The following BMP2K variants were observed in gnomAD, a reference collection of about 807,000 sequenced individuals.
BMP2K encodes the protein BMP-2-inducible protein kinase.
BMP2K carries 74 observed loss-of-function variants against 116.0 expected under a neutral mutation model. That is an observed-to-expected ratio of 0.64 (90% CI 0.53 to 0.77). The LOEUF (loss-of-function observed/expected upper bound fraction) is 0.77. BMP2K is among the 30% of genes least tolerant of loss of function. BMP2K has a pLI of 0.00. For missense variants in BMP2K, 1,365 were observed against 1,403.6 expected, an observed-to-expected ratio of 0.97 and a Z score of 0.44; for synonymous variants, 486 against 502.5, an observed-to-expected ratio of 0.97 and a Z score of 0.44.
intron 15 of BMP2K, among the ~76,000 whole-genome samples, chr4:78,889,717 CA>C (rs1273965970): frequency 6.6e-6 from 1 of 152,000 alleles, no homozygotes; most frequent in Non-Finnish European, 1.5e-5. Context: ...CCAAGAAAGG[CA>C]AAAAACTACT....
chr4:78,877,376 CTTA>C (rs1732681819), intron 13 of BMP2K, among the ~76,000 whole-genome samples: 1 of 152,062 alleles, frequency 6.6e-6, no homozygotes, highest in Admixed American at 6.6e-5. Context: ...TCTTTATATT[CTTA>C]TTCTATAAGT....
At chr4:78,828,186 T>TA (rs1729971759) in intron 2 of BMP2K, among the ~76,000 whole-genome samples, 1 of 152,178 alleles carries the variant, frequency 6.6e-6, no homozygotes. Context: ...CCTTCTAACT[T>TA]AAAGTTGCAG....
chr4:78,892,657 GTTCC>G (rs1328437851), intron 15 of BMP2K, among the ~76,000 whole-genome samples: 2 of 152,134 alleles, frequency 1.3e-5, no homozygotes, highest in African/African-American at 4.8e-5. Context: ...GATACTGCAG[GTTCC>G]ATTCCAGACC....
intron 14 of BMP2K, among the ~76,000 whole-genome samples, chr4:78,880,352 G>A (rs1291967222): frequency 1.2e-4 from 18 of 152,156 alleles, no homozygotes; most frequent in East Asian, 3.9e-4. Flanking sequence ...GATTACAGGC[G>A]TGAGCCACCA....
rs1048889481 is a variant in BMP2K, at chr4:78,796,459, C to T, written c.178+19738C>T. On this transcript the variant is annotated intron_variant, in intron 1 of 15. Coordinates refer to ENST00000502613, the MANE Select transcript of BMP2K (RefSeq NM_198892.2). ...CTAGATGACGAGTTAGTGGGTGCAG[C>T]GCACCAGCATGGCACATGTATACAT... 1.6e-4 allele frequency among the ~76,000 whole-genome samples: 25 copies of T among 151,640 alleles called. No homozygotes were observed. The East Asian group carries it at 4.3e-3, about 26-fold the overall frequency.
intron 1 of BMP2K, 96 bp downstream of exon 1, chr4:78,776,817 T>G: frequency 1.9e-6 from 2 of 1,073,464 alleles, no homozygotes; most frequent in Non-Finnish European, 2.3e-6. Flanking sequence ...CTGACTCTTA[T>G]ACCCCATTCT....
rs1553915806 is a variant in BMP2K at position 78,829,753 on chromosome 4, A to ATCCTTT, written c.297+3600_297+3601insCTTTTC. The stretch of plus-strand genomic sequence containing the variant: ...TGTTGTGTTAGCAGGCATGGAAACA[A>ATCCTTT]TCTTTTCTTTTCTTTTCTTTTCTTT... On this transcript the variant is annotated intron_variant, in intron 2 of 15. Transcript: ENST00000502613. Among the ~76,000 whole-genome samples, 363 of 121,610 alleles carry ATCCTTT rather than the reference A, an allele frequency of 3.0e-3. 2 individuals are homozygous for ATCCTTT. Among genetic ancestry groups the ATCCTTT allele is most frequent in the African/African-American group, 0.012 (348 of 28,698 alleles). The allele number at this position is 121,610 out of a possible 152,430, so 79.8% of individuals were successfully genotyped here.
At chr4:78,798,587 T>A (rs1728413381) in intron 1 of BMP2K, among the ~76,000 whole-genome samples, 2 of 152,242 alleles carry the variant, frequency 1.3e-5, no homozygotes, top group South Asian at 2.1e-4. Context: ...CACTTTAGGA[T>A]GGGCAGTATT....
intron 15 of BMP2K, among the ~76,000 whole-genome samples, chr4:78,898,479 T>C (rs545033795): frequency 9.6e-4 from 146 of 151,516 alleles, no homozygotes; most frequent in Admixed American, 1.7e-3. Flanking sequence ...TATCATGATA[T>C]GGAGACAGTG....
At position 78,911,252 on chromosome 4, in the gene BMP2K, C is replaced by T; in HGVS notation, c.2705C>T (p.Pro902Leu). ...GAATTTGATGTATTCACAAAGGCGC[C>T]TTTTAGCAAGAAGGTGAATGTACAA... ...QEEFDVFTKA[P>L]FSKKVNVQEC... The change falls in exon 16 of 16, where the codon CCT (proline) becomes CTT (leucine). Residue 902 changes from proline (P) to leucine (L), a missense_variant. Physicochemically the swap from Pro to Leu is moderately conservative, Grantham distance 98 (BLOSUM62 -3). Coordinates refer to ENST00000502613, the MANE Select transcript of BMP2K (RefSeq NM_198892.2). 6.2e-7 allele frequency: 1 copy of T among 1,613,980 alleles called. No homozygotes were observed. Among genetic ancestry groups the T allele is most frequent in the South Asian group, 1.1e-5 (1 of 91,076 alleles).
chr4:78,876,616 CG>C (rs1410744089), intron 13 of BMP2K, among the ~76,000 whole-genome samples: 4 of 152,216 alleles, frequency 2.6e-5, no homozygotes, highest in African/African-American at 9.6e-5. Flanking sequence ...GAGCTCTCAA[CG>C]GTTAGGTAAA....
intron 9 of BMP2K, among the ~76,000 whole-genome samples, chr4:78,865,048 G>A (rs1731976401): frequency 6.6e-6 from 1 of 152,170 alleles, no homozygotes; most frequent in Non-Finnish European, 1.5e-5. Context: ...AAAGATTCAA[G>A]AAGTTGAATG....
intron 1 of BMP2K, among the ~76,000 whole-genome samples, chr4:78,798,927 A>G (rs1324700661): frequency 6.6e-6 from 1 of 152,224 alleles, no homozygotes; most frequent in Non-Finnish European, 1.5e-5. Flanking sequence ...CTGAAATTTT[A>G]AATGTCTTTC....
rs763320237 is a variant in BMP2K, at chr4:78,910,951, T to G, written c.2404T>G (p.Ser802Ala). The change falls in exon 16 of 16, where the codon TCT becomes GCT. Residue 802 changes from serine to alanine, a missense_variant. Physicochemically the swap from Ser to Ala is moderately conservative, Grantham distance 99. Around this residue, in one of 3 missense-constraint regions of BMP2K, gnomAD observed 596 missense variants for 623.2 expected, o/e 0.96. Coordinates refer to ENST00000502613, the MANE Select transcript of BMP2K (RefSeq NM_198892.2). Reference sequence around the variant, plus strand: ...TGAGGAAGAAGAGGAGAAACATAGCTCTGATTCTGATTATGAGCAGGCTAA... The same window carrying G: ...TGAGGAAGAAGAGGAGAAACATAGCGCTGATTCTGATTATGAGCAGGCTAA... Reference protein sequence around the residue: ...EDEEEEEKHSSDSDYEQAKAK... With the variant: ...EDEEEEEKHSADSDYEQAKAK... 1.2e-6 allele frequency: 2 copies of G among 1,613,696 alleles called. No homozygotes were observed. The highest frequency in any genetic ancestry group is 2.2e-5 in the South Asian group (2 of 91,014).
At chr4:78,903,320 T>C (rs1241530941) in intron 15 of BMP2K, among the ~76,000 whole-genome samples, 3 of 152,070 alleles carry the variant, frequency 2.0e-5, no homozygotes, top group African/African-American at 7.2e-5. Flanking sequence ...AGAGTCAGAT[T>C]AGCATGTTTC....
At position 78,844,947 on chromosome 4, in the gene BMP2K, A is replaced by G. The variant is rs377253516; in HGVS notation, c.566A>G (p.Asn189Ser). The change falls in exon 5 of 16, where the codon AAT becomes AGT. Residue 189 changes from asparagine to serine, a missense_variant. This residue lies in a region of BMP2K where 762 missense variants were observed against 756.7 expected (regional missense o/e 1.01). Transcript: ENST00000502613. ...RDLKVENILL[N>S]DGGNYVLCDF... Reference sequence around the variant, plus strand: ...CTTAAGGTAGAAAATATTTTGTTGAATGATGGTGGGAACTATGTACTTTGT... The same window carrying G: ...CTTAAGGTAGAAAATATTTTGTTGAGTGATGGTGGGAACTATGTACTTTGT... The G allele has an allele frequency of 6.3e-7, 1 of 1,596,954 alleles. No individual in the cohort carries two copies. The highest frequency in any genetic ancestry group is 8.6e-7 in the Non-Finnish European group (1 of 1,166,706).
chr4:78,830,893 C>G (rs932941752), intron 2 of BMP2K, among the ~76,000 whole-genome samples: 1 of 152,172 alleles, frequency 6.6e-6, no homozygotes, highest in Non-Finnish European at 1.5e-5. Context: ...AGCAATAAGG[C>G]TGTTTTGCTT....
intron 3 of BMP2K, among the ~76,000 whole-genome samples, chr4:78,838,202 G>A (rs988792030): frequency 2.0e-5 from 3 of 152,128 alleles, no homozygotes; most frequent in East Asian, 1.9e-4. Flanking sequence ...ATCGGATGTC[G>A]TGAGACTTAT....
In BMP2K at chr4:78,915,726, T is replaced by C. The variant is rs1413892397; in HGVS notation, c.*3693T>C. On this transcript the variant is annotated 3_prime_UTR_variant, in exon 16 of 16. Transcript: ENST00000502613. ...AACCACAATCATATCTAAGAGAACATTCACTCCTAGTGAGGGTTTACAAAA... is the reference window on the plus strand; with the variant it reads ...AACCACAATCATATCTAAGAGAACACTCACTCCTAGTGAGGGTTTACAAAA... The C allele has an allele frequency of 6.6e-6, 1 of 151,976 alleles. No homozygotes were observed. Among genetic ancestry groups the C allele is most frequent in the Non-Finnish European group, 1.5e-5 (1 of 67,896 alleles). 9.4% of individuals were successfully genotyped at this position (151,976 alleles called of 1,614,324 possible).
Sources: allele counts gnomAD v4.1 joint callset (sites outside exome capture counted in the v4.1 genomes callset), GRCh38; gene constraint gnomAD v4.1.1; regional missense constraint gnomAD v4.1.1; transcripts MANE v1.5; gene names NCBI Gene and HGNC (gene_info 2026-07-23, HGNC 2026-07-21).